The following NLGN1 variants were observed in gnomAD, a reference collection of about 807,000 sequenced individuals.
The protein encoded by NLGN1 is neuroligin 1.
In NLGN1, 12 loss-of-function variants were observed where a neutral mutation model predicts 65.5. The ratio of observed to expected loss-of-function variants is 0.18; its 90% confidence interval spans 0.12 to 0.30. The LOEUF (loss-of-function observed/expected upper bound fraction) is 0.30. Among genes scored for constraint, NLGN1 ranks in the 10% least tolerant of loss-of-function variants. The pLI is 1.00. For missense variants in NLGN1, 750 were observed against 1,007.1 expected (o/e 0.74, Z 3.46); for synonymous variants, 350 against 359.5 (o/e 0.97, Z 0.30).
At chr3:173,804,581 T>C (rs1716191638) in intron 3 of NLGN1, among the ~76,000 whole-genome samples, 1 of 151,886 alleles carries the variant, frequency 6.6e-6, no homozygotes, top group African/African-American at 2.4e-5. Flanking sequence ...ATATTAGTTT[T>C]ATTTATAAAG....
intron 4 of NLGN1, among the ~76,000 whole-genome samples, chr3:173,950,050 G>T (rs565911945): frequency 6.6e-6 from 1 of 152,138 alleles, no homozygotes; most frequent in African/African-American, 2.4e-5. Context: ...ACTTTATAAT[G>T]AGATTTAGTA....
chr3:173,714,509 A>G (rs1468755637), intron 3 of NLGN1, among the ~76,000 whole-genome samples: 2 of 152,150 alleles, frequency 1.3e-5, no homozygotes, highest in East Asian at 3.9e-4. Context: ...AAGAAGACCT[A>G]AAGAGTGAAC....
intron 4 of NLGN1, among the ~76,000 whole-genome samples, chr3:173,895,582 C>T (rs1736202930): frequency 6.6e-6 from 1 of 152,138 alleles, no homozygotes; most frequent in Non-Finnish European, 1.5e-5. Context: ...TCCTAGCTTC[C>T]AGAAAGACCA....
intron 2 of NLGN1, among the ~76,000 whole-genome samples, chr3:173,483,897 T>G (rs769317580): frequency 9.2e-5 from 14 of 152,146 alleles, no homozygotes; most frequent in Non-Finnish European, 1.9e-4. Flanking sequence ...TGTCCATCTT[T>G]AATTTCATTA....
intron 2 of NLGN1, among the ~76,000 whole-genome samples, chr3:173,518,412 A>G (rs1370472899): frequency 6.6e-6 from 1 of 151,308 alleles, no homozygotes; most frequent in Non-Finnish European, 1.5e-5. Context: ...ATACATATAT[A>G]GTTACATTTA....
intron 4 of NLGN1, among the ~76,000 whole-genome samples, chr3:174,126,957 C>G (rs1719069823): frequency 6.6e-6 from 1 of 152,100 alleles, no homozygotes; most frequent in Non-Finnish European, 1.5e-5. Context: ...AACTATTGCT[C>G]TAAACTCTAT....
chr3:173,990,520 C>T (rs895341194), intron 4 of NLGN1, among the ~76,000 whole-genome samples: 5 of 152,092 alleles, frequency 3.3e-5, no homozygotes, highest in African/African-American at 1.2e-4. Context: ...TTCCAGTTAA[C>T]AATCATCTAT....
intron 3 of NLGN1, among the ~76,000 whole-genome samples, chr3:173,706,585 A>G (rs1363428500): frequency 6.6e-6 from 1 of 152,208 alleles, no homozygotes; most frequent in Non-Finnish European, 1.5e-5. Context: ...TTCTCTAAGT[A>G]TAAAACTCTA....
At chr3:174,002,288 C>T (rs539970563) in intron 4 of NLGN1, among the ~76,000 whole-genome samples, 22 of 152,092 alleles carry the variant, frequency 1.4e-4, no homozygotes, top group East Asian at 7.8e-4. Context: ...CCACCATGCC[C>T]GGCTGATTTT....
chr3:174,035,071 C>G (rs1274444311), intron 4 of NLGN1, among the ~76,000 whole-genome samples: 2 of 152,124 alleles, frequency 1.3e-5, no homozygotes, highest in Non-Finnish European at 2.9e-5. Context: ...AAGGATATTA[C>G]ATAAAAAGCA....
chr3:174,273,477 T>A (rs1413516181), intron 4 of NLGN1, among the ~76,000 whole-genome samples: 2 of 151,860 alleles, frequency 1.3e-5, no homozygotes, highest in East Asian at 3.9e-4. Flanking sequence ...CCAAAGTTCA[T>A]GTGATAGCAA....
chr3:174,265,423 G>A (rs1168242129), intron 4 of NLGN1, among the ~76,000 whole-genome samples: 1 of 152,134 alleles, frequency 6.6e-6, no homozygotes, highest in Non-Finnish European at 1.5e-5. Flanking sequence ...ACAATATTCG[G>A]ATGGGAGTGA....
chr3:173,546,628 A>G (rs1300862329), intron 2 of NLGN1, among the ~76,000 whole-genome samples: 3 of 152,180 alleles, frequency 2.0e-5, no homozygotes, highest in Non-Finnish European at 4.4e-5. Flanking sequence ...CTATAGTTCT[A>G]ATATTCCGCT....
At chr3:174,100,290 CTTTATT>C (rs1712123546) in intron 4 of NLGN1, among the ~76,000 whole-genome samples, 1 of 148,498 alleles carries the variant, frequency 6.7e-6, no homozygotes, top group South Asian at 2.1e-4. Flanking sequence ...AAAAAAAAAA[CTTTATT>C]TTAATTTTAG....
At chr3:173,541,258 A>G (rs928454670) in intron 2 of NLGN1, among the ~76,000 whole-genome samples, 2 of 152,192 alleles carry the variant, frequency 1.3e-5, no homozygotes, top group African/African-American at 2.4e-5. Flanking sequence ...GCTACAAAGT[A>G]TATGGGGGAT....
At chr3:173,557,367 C>T (rs1451706447) in intron 2 of NLGN1, among the ~76,000 whole-genome samples, 3 of 152,074 alleles carry the variant, frequency 2.0e-5, no homozygotes, top group African/African-American at 7.2e-5. Flanking sequence ...GTCTCTTATG[C>T]ACAGCGTATG....
intron 2 of NLGN1, among the ~76,000 whole-genome samples, chr3:173,595,028 G>A (rs1749213976): frequency 6.6e-6 from 1 of 152,184 alleles, no homozygotes; most frequent in East Asian, 1.9e-4. Context: ...GATGGGAGGG[G>A]CTGCTGTGAA....
At chr3:173,874,066 C>T (rs1731678900) in intron 4 of NLGN1, among the ~76,000 whole-genome samples, 1 of 152,174 alleles carries the variant, frequency 6.6e-6, no homozygotes, top group African/African-American at 2.4e-5. Flanking sequence ...GAAATCTAAC[C>T]TGCCAACACC....
At chr3:174,039,512 G>C (rs760351357) in intron 4 of NLGN1, among the ~76,000 whole-genome samples, 4 of 152,058 alleles carry the variant, frequency 2.6e-5, no homozygotes, top group Admixed American at 6.6e-5. Flanking sequence ...AACTATCCAA[G>C]ATGTCTAGGT....
Sources: gnomAD v4.1 joint callset for allele counts (sites outside exome capture counted in the v4.1 genomes callset) on GRCh38, gnomAD v4.1.1 for gene constraint, MANE v1.5 for transcripts, NCBI Gene and HGNC (gene_info 2026-07-23, HGNC 2026-07-21) for gene names.